Variants in ANK2 observed in about 807,000 individuals in gnomAD.
ANK2 encodes the protein ankyrin 2.
Under a neutral mutation model 360.5 loss-of-function variants are expected in ANK2, and 83 were observed. The observed-to-expected ratio is 0.23, with a 90% CI of 0.19 to 0.28. The LOEUF (loss-of-function observed/expected upper bound fraction) is 0.28, where lower values mean the gene tolerates loss of function less well. Ranked by LOEUF, ANK2 falls within the 10% of genes least tolerant of loss-of-function variation. The pLI, the probability that ANK2 is intolerant of heterozygous loss-of-function variation, is 1.00. For missense variants in ANK2, 4,201 were observed against 4,795.7 expected, an observed-to-expected ratio of 0.88 and a Z score of 3.66; for synonymous variants, 1,740 against 1,759.5, an observed-to-expected ratio of 0.99 and a Z score of 0.28.
chr4:113,369,877 A>G (rs2154067910), intron 43 of ANK2, 72 bp downstream of exon 43: 1 of 1,602,962 alleles, frequency 6.2e-7, no homozygotes. Flanking sequence ...CATTTCTATG[A>G]TGGTTTATTT....
At chr4:113,269,687 G>A (rs550248050) in intron 14 of ANK2, among the ~76,000 whole-genome samples, 10 of 152,126 alleles carry the variant, frequency 6.6e-5, no homozygotes, top group Non-Finnish European at 1.2e-4. Context: ...TGTTGATCTC[G>A]CTGGGATCTG....
intron 37 of ANK2, among the ~76,000 whole-genome samples, chr4:113,351,566 C>T (rs981126745): frequency 6.6e-6 from 1 of 151,892 alleles, no homozygotes; most frequent in Non-Finnish European, 1.5e-5. Context: ...TATCACATTG[C>T]CCTCACTGAT....
rs771318905 is a variant in ANK2 at position 113,357,879 on chromosome 4, C to T, written c.9261C>T (p.Thr3087=). The T allele has an allele frequency of 3.1e-6, 5 of 1,614,052 alleles. No homozygotes were observed. Among genetic ancestry groups the T allele is most frequent in the East Asian group, 2.2e-5 (1 of 44,852 alleles). ...CCCCTGACACCACTCCTGCTAGGAC[C>T]CCAACTGAAGAGGGGACCCCAACAA... ...GTTPDTTPAR[T]PTEEGTPTSE... The change falls in exon 38 of 46, where the codon ACC becomes ACT. Residue 3087 remains threonine (T), a synonymous_variant. Transcript: ENST00000357077.
the ANK2 span, among the ~76,000 whole-genome samples, chr4:112,801,512 G>T: frequency 3.9e-5 from 6 of 152,254 alleles, no homozygotes; most frequent in Non-Finnish European, 7.4e-5. Context: ...GAAGGCACAG[G>T]ATGCTGTGGT....
At chr4:113,199,165 G>A (rs2153406501) in intron 4 of ANK2, 56 bp downstream of exon 4, 1 of 1,390,824 alleles carries the variant, frequency 7.2e-7, no homozygotes, top group South Asian at 1.2e-5. Flanking sequence ...ACAGTTTTGT[G>A]AAATTGATTT....
At position 113,354,115 on chromosome 4, in the gene ANK2, C is replaced by G. The variant is rs1194139877; in HGVS notation, c.5497C>G (p.Leu1833Val). 3 of 1,614,056 alleles carry G rather than the reference C, an allele frequency of 1.9e-6. No individual in the cohort carries two copies. Among genetic ancestry groups the G allele is most frequent in the Admixed American group, 1.7e-5 (1 of 59,996 alleles). ...PSPKTERHSTLSSSAKTERHP... is the reference protein window; with the variant it reads ...PSPKTERHSTVSSSAKTERHP... Reference sequence around the variant, plus strand: ...CCCTAAAACAGAAAGACACTCTACTCTTTCCTCTTCCGCAAAAACTGAAAG... The same window carrying G: ...CCCTAAAACAGAAAGACACTCTACTGTTTCCTCTTCCGCAAAAACTGAAAG... Residue 1833 changes from leucine (L) to valine (V), a missense_variant, in exon 38 of 46, where the codon CTT (leucine) becomes GTT (valine). By Grantham distance (32) the Leu-to-Val change is conservative. Around this residue, in one of 4 missense-constraint regions of ANK2, gnomAD observed 2,642 missense variants for 2,714.5 expected, o/e 0.97. Transcript: ENST00000357077.
chr4:113,032,199 CTTGT>C (rs1224460411), intron 2 of ANK2, among the ~76,000 whole-genome samples: 1 of 152,032 alleles, frequency 6.6e-6, no homozygotes, highest in African/African-American at 2.4e-5. Flanking sequence ...AAATCATAAG[CTTGT>C]TTGTTTTTTG....
chr4:113,344,154 C>T (rs1383204027), intron 34 of ANK2, among the ~76,000 whole-genome samples: 1 of 152,154 alleles, frequency 6.6e-6, no homozygotes, highest in African/African-American at 2.4e-5. Context: ...TTAACATAGA[C>T]AGCTATATAA....
Position 113,358,367 on chromosome 4 carries a change from C to T in ANK2, c.9749C>T (p.Pro3250Leu), listed in dbSNP as rs1334113662. Residue 3250 changes from proline (P) to leucine (L), a missense_variant, in exon 38 of 46, where the codon CCA becomes CTA. Coordinates refer to ENST00000357077, the MANE Select transcript of ANK2 (RefSeq NM_001148.6). ...ATATCCTGCCCCGACTCTTCTGAAC[C>T]AGCTGTACAAGTCCAGTTAGATTTT... is the stretch of plus-strand genomic sequence containing the variant. ...KQISCPDSSE[P>L]AVQVQLDFST... 1.2e-6 allele frequency: 2 copies of T among 1,613,978 alleles called. No homozygotes were observed. The highest frequency in any genetic ancestry group is 2.7e-5 in the African/African-American group (2 of 74,914).
chr4:113,053,043 C>T (rs1235028045), intron 1 of ANK2, among the ~76,000 whole-genome samples: 1 of 152,144 alleles, frequency 6.6e-6, no homozygotes, highest in African/African-American at 2.4e-5. Context: ...TCTTGGACAA[C>T]GTCTTTGTTT....
At chr4:113,216,935 G>T (rs1485517963) in intron 4 of ANK2, 2 of 151,846 alleles carry the variant, frequency 1.3e-5, no homozygotes, top group Non-Finnish European at 2.9e-5. Flanking sequence ...CGTCTTTGTT[G>T]GAATGAGGCA....
At chr4:113,172,163 C>T (rs768636818) in intron 1 of ANK2, among the ~76,000 whole-genome samples, 29 of 152,106 alleles carry the variant, frequency 1.9e-4, no homozygotes, top group Non-Finnish European at 4.1e-4. Context: ...TTTCTAGGTG[C>T]ATATAGAGGG....
intron 1 of ANK2, among the ~76,000 whole-genome samples, chr4:113,173,728 G>C (rs750040542): frequency 1.3e-5 from 2 of 152,144 alleles, no homozygotes; most frequent in Admixed American, 6.6e-5. Context: ...TTTCCATCCA[G>C]AGTGATCATC....
chr4:113,186,051 C>A (rs1309258418), intron 2 of ANK2, among the ~76,000 whole-genome samples: 1 of 152,186 alleles, frequency 6.6e-6, no homozygotes. Context: ...TCGAGCTCTG[C>A]TAAGGGACAG....
At position 112,987,178 on chromosome 4, in the gene ANK2, C is replaced by T. The variant is rs145707735; in HGVS notation, c.21+82664C>T. Among the ~76,000 whole-genome samples, 32 of 152,252 alleles carry T rather than the reference C, an allele frequency of 2.1e-4. No individual in the cohort carries two copies. In the East Asian group the frequency reaches 5.4e-3, roughly 26 times the overall value. On this transcript the variant is annotated intron_variant, in intron 2 of 30. Coordinates refer to the ANK2 transcript ENST00000503271. Reference sequence around the variant, plus strand: ...ATATTGCATGGGTCTATATTCTCATCCTCTCATCTTGTTCACACTAGGCTG... The same window carrying T: ...ATATTGCATGGGTCTATATTCTCATTCTCTCATCTTGTTCACACTAGGCTG...
intron 1 of ANK2, among the ~76,000 whole-genome samples, chr4:113,115,023 A>G (rs962066778): frequency 1.3e-5 from 2 of 152,214 alleles, no homozygotes; most frequent in African/African-American, 4.8e-5. Flanking sequence ...GCCAGATGGC[A>G]TTCAGAACAC....
At chr4:112,748,840 G>T in the ANK2 span, among the ~76,000 whole-genome samples, 1 of 152,336 alleles carries the variant, frequency 6.6e-6, no homozygotes, top group East Asian at 1.9e-4. Flanking sequence ...GTAAACAGCA[G>T]CTGGAGGTAG....
chr4:113,323,721 C>A (rs368017853), intron 26 of ANK2: 3 of 1,579,262 alleles, frequency 1.9e-6, no homozygotes, highest in South Asian at 1.2e-5. Flanking sequence ...TCACTTTATC[C>A]GTTCCTTCTC....
chr4:112,904,239 T>C (rs1226984739), intron 1 of ANK2, among the ~76,000 whole-genome samples: 1 of 152,216 alleles, frequency 6.6e-6, no homozygotes, highest in African/African-American at 2.4e-5. Flanking sequence ...ATTTTTCATC[T>C]TTTATCACAT....
Sources: gnomAD v4.1 joint callset for allele counts (sites outside exome capture counted in the v4.1 genomes callset) on GRCh38, gnomAD v4.1.1 for gene constraint, gnomAD v4.1.1 regional missense constraint, MANE v1.5 for transcripts, NCBI Gene and HGNC (gene_info 2026-07-23, HGNC 2026-07-21) for gene names.